Variants in CD8B observed in about 807,000 individuals in gnomAD.
The protein encoded by CD8B is T-cell surface glycoprotein CD8 beta chain.
CD8B carries 6 observed loss-of-function variants against 24.2 expected under a neutral mutation model. The observed-to-expected ratio is 0.25, with a 90% confidence interval of 0.14 to 0.49. CD8B has a LOEUF of 0.49. Among genes scored for constraint, CD8B ranks in the 20% least tolerant of loss-of-function variants. The pLI is 0.98. For synonymous variants in CD8B, 84 were observed against 108.3 expected (o/e 0.78, Z 1.39); for missense variants, 196 against 271.3 (o/e 0.72, Z 1.95).
intron 5 of CD8B, among the ~76,000 whole-genome samples, chr2:86,823,431 C>G (rs1674556238): frequency 6.6e-6 from 1 of 152,034 alleles, no homozygotes; most frequent in Non-Finnish European, 1.5e-5. Flanking sequence ...AGGCACCCAC[C>G]ACGGTGCCCG....
Position 86,842,249 on chromosome 2 carries a change from C to G in CD8B, c.*58G>C. ...TGTCCCTTCTCTCATTTTTCCACAT[C>G]GTGCTCGTTACTGACCGATGTCTTT... On this transcript the variant is annotated 3_prime_UTR_variant, in exon 6 of 6. Coordinates refer to ENST00000390655, the MANE Select transcript of CD8B (RefSeq NM_004931.5). 2.0e-6 allele frequency: 3 copies of G among 1,533,542 alleles called. No homozygotes were observed. The highest frequency in any genetic ancestry group is 2.6e-6 in the Non-Finnish European group (3 of 1,142,622). 95.0% of individuals were successfully genotyped at this position (1,533,542 alleles called of 1,614,324 possible).
At chr2:86,830,364 C>T (rs1272084122) in intron 5 of CD8B, among the ~76,000 whole-genome samples, 2 of 152,140 alleles carry the variant, frequency 1.3e-5, no homozygotes, top group Non-Finnish European at 2.9e-5. Flanking sequence ...GCCAGCAGTT[C>T]GAGACCAGCC....
intron 5 of CD8B, among the ~76,000 whole-genome samples, chr2:86,821,257 C>T (rs374680750): frequency 1.3e-5 from 2 of 151,806 alleles, no homozygotes; most frequent in South Asian, 4.2e-4. Context: ...ATTCTCAAGG[C>T]GTTGGAGTGA....
chr2:86,826,404 G>T lies in CD8B; in HGVS notation c.621-10686C>A, dbSNP rs556416392. On this transcript the variant is annotated intron_variant, in intron 5 of 5. Coordinates refer to the CD8B transcript ENST00000331469. ...TGCTGAGAATCTGTGACATGTGCAG[G>T]TCGGTAAGTGAGAAGGAAACAGGAA... Among the ~76,000 whole-genome samples, 85 of 152,282 alleles carry T rather than the reference G, an allele frequency of 5.6e-4. 1 individual carries two copies. Among genetic ancestry groups the T allele is most frequent in the African/African-American group, 2.0e-3 (85 of 41,566 alleles).
intron 5 of CD8B, among the ~76,000 whole-genome samples, chr2:86,830,095 G>A (rs1255616041): frequency 6.6e-6 from 1 of 151,916 alleles, no homozygotes; most frequent in Non-Finnish European, 1.5e-5. Context: ...ACAAGGTCTC[G>A]CTCTGTCACC....
At chr2:86,816,893 T>C (rs2104484920) in intron 5 of CD8B, among the ~76,000 whole-genome samples, 1 of 152,282 alleles carries the variant, frequency 6.6e-6, no homozygotes, top group South Asian at 2.1e-4. Flanking sequence ...CAAAAACCAA[T>C]ACAAAGTTAA....
At chr2:86,834,496 TAACTG>T (rs568855681), downstream of CD8B, among the ~76,000 whole-genome samples, 345 of 111,270 alleles carry the variant, frequency 3.1e-3, no homozygotes, top group African/African-American at 0.01. Context: ...ACAAAAGTCT[TAACTG>T]AGCTTGGATA....
intron 5 of CD8B, among the ~76,000 whole-genome samples, chr2:86,832,485 T>TAAA (rs111687034): frequency 1.4e-5 from 2 of 143,682 alleles, no homozygotes; most frequent in East Asian, 2.1e-4. Context: ...CTCAAAAAAT[T>TAAA]AAAAAAAAAA....
chr2:86,834,187 A>C (rs1437001004), downstream of CD8B, among the ~76,000 whole-genome samples: 1 of 152,030 alleles, frequency 6.6e-6, no homozygotes, highest in East Asian at 1.9e-4. Context: ...CATATTAAAC[A>C]CTACTAGATG....
At chr2:86,843,217 C>T (rs573700985) in intron 5 of CD8B, among the ~76,000 whole-genome samples, 80 of 151,884 alleles carry the variant, frequency 5.3e-4, no homozygotes, top group African/African-American at 1.9e-3. Flanking sequence ...CTCAGCCTCT[C>T]GAGTAGCTGG....
intron 3 of CD8B, among the ~76,000 whole-genome samples, chr2:86,847,129 G>T (rs1573515789): frequency 6.6e-6 from 1 of 151,486 alleles, no homozygotes; most frequent in East Asian, 2.0e-4. Context: ...TAGAGAGAGG[G>T]TTTTATCATG....
At chr2:86,842,821 C>A (rs1052228547) in intron 5 of CD8B, among the ~76,000 whole-genome samples, 1 of 152,140 alleles carries the variant, frequency 6.6e-6, no homozygotes, top group African/African-American at 2.4e-5. Flanking sequence ...TAAGTGTAAA[C>A]CCAGACAATA....
At chr2:86,823,432 A>G (rs1674556383) in intron 5 of CD8B, among the ~76,000 whole-genome samples, 1 of 151,976 alleles carries the variant, frequency 6.6e-6, no homozygotes, top group African/African-American at 2.4e-5. Flanking sequence ...GGCACCCACC[A>G]CGGTGCCCGG....
chr2:86,815,759 A>G (rs753311343), intron 5 of CD8B: 3 of 1,046,876 alleles, frequency 2.9e-6, no homozygotes, highest in Non-Finnish European at 4.5e-6. Flanking sequence ...TACATGCACC[A>G]AGTCAAGGTG....
chr2:86,834,136 G>T (rs1418409137), downstream of CD8B, among the ~76,000 whole-genome samples: 1 of 151,844 alleles, frequency 6.6e-6, no homozygotes, highest in Non-Finnish European at 1.5e-5. Flanking sequence ...CTACTTTCCC[G>T]GGGACCCATT....
intron 3 of CD8B, among the ~76,000 whole-genome samples, chr2:86,847,812 C>T (rs1174025702): frequency 3.3e-5 from 5 of 152,134 alleles, no homozygotes; most frequent in African/African-American, 7.2e-5. Context: ...GTGATCCACC[C>T]GCCTCAGCCT....
At chr2:86,822,248 G>T in intron 5 of CD8B, 1 of 776,526 alleles carries the variant, frequency 1.3e-6, no homozygotes, top group Middle Eastern at 2.5e-4. Flanking sequence ...AAAAAAAAAA[G>T]ATGATATCTG....
Position 86,840,526 on chromosome 2 carries a change from A to G in CD8B, c.*1781T>C, listed in dbSNP as rs1030300270. Among the ~76,000 whole-genome samples, 23 of 152,172 alleles carry G rather than the reference A, an allele frequency of 1.5e-4. No homozygotes were observed. Among genetic ancestry groups the G allele is most frequent in the African/African-American group, 5.3e-4 (22 of 41,438 alleles). On this transcript the variant is annotated 3_prime_UTR_variant, in exon 6 of 6. Transcript: ENST00000390655. ...AATTCACCTCAGCCTTTCATTAGCCATGGACCAAATCCTTCACCCAGATAA... is the reference window on the plus strand; with the variant it reads ...AATTCACCTCAGCCTTTCATTAGCCGTGGACCAAATCCTTCACCCAGATAA...
chr2:86,831,482 T>C (rs1426295418), intron 5 of CD8B, among the ~76,000 whole-genome samples: 2 of 152,250 alleles, frequency 1.3e-5, no homozygotes, highest in Admixed American at 6.5e-5. Flanking sequence ...AATTTAAAAT[T>C]GATCAGTAAA....
Sources: gnomAD v4.1 joint callset for allele counts (sites outside exome capture counted in the v4.1 genomes callset) on GRCh38, gnomAD v4.1.1 for gene constraint, MANE v1.5 for transcripts, NCBI Gene and HGNC (gene_info 2026-07-23, HGNC 2026-07-21) for gene names.